MTMR7: variants seen among roughly 807,000 people sequenced by gnomAD.
MTMR7 encodes the protein phosphatidylinositol-3-phosphate phosphatase MTMR7.
A neutral mutation model predicts 81.2 loss-of-function variants in MTMR7; 76 were observed. That is an observed-to-expected ratio of 0.94 (90% CI 0.78 to 1.13). The LOEUF (loss-of-function observed/expected upper bound fraction) is 1.13. Ranked by LOEUF, MTMR7 falls within the 50% of genes most tolerant of loss-of-function variation. The pLI is 0.00. For synonymous variants in MTMR7, 372 were observed against 289.8 expected, an observed-to-expected ratio of 1.28 and a Z score of -2.88; for missense variants, 1,044 against 820.0, an observed-to-expected ratio of 1.27 and a Z score of -3.34.
chr8:17,383,416 C>T (rs1166586682), intron 1 of MTMR7, among the ~76,000 whole-genome samples: 1 of 152,214 alleles, frequency 6.6e-6, no homozygotes, highest in Admixed American at 6.5e-5. Context: ...CCACATGCTA[C>T]TTCTAACCTT....
chr8:17,360,552 A>G (rs1820028552), intron 4 of MTMR7, among the ~76,000 whole-genome samples: 1 of 151,712 alleles, frequency 6.6e-6, no homozygotes, highest in Non-Finnish European at 1.5e-5. Flanking sequence ...TTTTAAAATT[A>G]TAGTGAAACC....
chr8:17,344,078 G>T (rs969550534), intron 5 of MTMR7, among the ~76,000 whole-genome samples: 3 of 151,992 alleles, frequency 2.0e-5, no homozygotes, highest in African/African-American at 7.3e-5. Context: ...TAAGAACTTT[G>T]CATATTTTTA....
At chr8:17,352,695 G>C (rs1303681176) in intron 4 of MTMR7, among the ~76,000 whole-genome samples, 1 of 152,144 alleles carries the variant, frequency 6.6e-6, no homozygotes, top group Non-Finnish European at 1.5e-5. Flanking sequence ...TTAGTAAATT[G>C]CGTATCTTAG....
intron 4 of MTMR7, among the ~76,000 whole-genome samples, chr8:17,357,008 A>C (rs1176784693): frequency 6.6e-6 from 1 of 152,226 alleles, no homozygotes; most frequent in East Asian, 1.9e-4. Context: ...ATATACTACA[A>C]GACATATACA....
At chr8:17,312,765 G>A (rs993096178) in intron 8 of MTMR7, among the ~76,000 whole-genome samples, 8 of 152,114 alleles carry the variant, frequency 5.3e-5, no homozygotes, top group African/African-American at 1.7e-4. Context: ...CATCAGGGAA[G>A]ATATGGTTCT....
At chr8:17,361,739 GA>G (rs1820067262) in intron 3 of MTMR7, among the ~76,000 whole-genome samples, 2 of 151,560 alleles carry the variant, frequency 1.3e-5, no homozygotes, top group South Asian at 4.2e-4. Flanking sequence ...GGTTAAAAAA[GA>G]AAAAAATAAT....
chr8:17,312,205 A>G (rs1474421713), intron 8 of MTMR7, among the ~76,000 whole-genome samples: 1 of 152,236 alleles, frequency 6.6e-6, no homozygotes, highest in Non-Finnish European at 1.5e-5. Context: ...GGCAGTTAAC[A>G]TACGCTGGGA....
intron 1 of MTMR7, among the ~76,000 whole-genome samples, chr8:17,393,637 A>C (rs1821165996): frequency 6.6e-6 from 1 of 152,148 alleles, no homozygotes; most frequent in Admixed American, 6.5e-5. Context: ...TTGTAAGTGG[A>C]AGCTGAACGA....
rs756796900 is a variant in MTMR7 at position 17,302,246 on chromosome 8, C to G, written c.1528G>C (p.Gly510Arg). The G allele has an allele frequency of 3.7e-6, 6 of 1,614,054 alleles. No homozygotes were observed. The highest frequency in any genetic ancestry group is 1.7e-5 in the Admixed American group (1 of 60,006). The change falls in exon 13 of 14, where the codon GGG becomes CGG. Residue 510 changes from glycine to arginine, a missense_variant. Transcript: ENST00000180173. ...WSGMYNRFEK[G>R]MQPRQSVTDY... The stretch of plus-strand genomic sequence containing the variant: ...GTAACTGACTGTCGGGGCTGCATCC[C>G]CTTTTCAAAGCGGTTATACATTCCA...
rs1015446401 is a variant in MTMR7, at chr8:17,338,870, T to C, written c.732+2493A>G. 13 of 152,146 alleles carry C rather than the reference T, an allele frequency of 8.5e-5. No homozygotes were observed. In the East Asian group the frequency reaches 2.3e-3, roughly 27 times the overall value. The allele number at this position is 152,146 out of a possible 1,614,324, so 9.4% of individuals were successfully genotyped here. On this transcript the variant is annotated intron_variant, in intron 6 of 13. Coordinates refer to ENST00000180173, the MANE Select transcript of MTMR7 (RefSeq NM_004686.5). The stretch of plus-strand genomic sequence containing the variant: ...CGGTTTCATCACTGATCTCCAGGAC[T>C]GATTCGCTCATCTGGCATCCGTGAG...
At chr8:17,361,386 C>A in intron 3 of MTMR7, 112 bp from the exon 4 acceptor site, 1 of 1,095,086 alleles carries the variant, frequency 9.1e-7, no homozygotes, top group East Asian at 2.4e-5. Flanking sequence ...TCCCAACCCC[C>A]ACCCCCAGCA....
At position 17,397,055 on chromosome 8, in the gene MTMR7, G is replaced by T. The variant is rs574471232; in HGVS notation, c.24+16214C>A. 4.5e-4 allele frequency among the ~76,000 whole-genome samples: 69 copies of T among 152,104 alleles called. 1 individual carries two copies. The Middle Eastern group carries it at 0.014, about 30-fold the overall frequency. ...CTGCTGACAAAAGAGCTCGGGCCCT[G>T]AATAATGAGCAGTGATACCCAGGTA... On this transcript the variant is annotated intron_variant, in intron 1 of 13. Transcript: ENST00000180173.
chr8:17,304,604 T>C lies in MTMR7; in HGVS notation c.1353-85A>G, dbSNP rs147346193. 2.0e-3 allele frequency: 2,864 copies of C among 1,419,812 alleles called. 13 individuals carry two copies. Among genetic ancestry groups the C allele is most frequent in the Non-Finnish European group, 2.0e-3 (2,041 of 1,029,668 alleles). 88.0% of individuals were successfully genotyped at this position (1,419,812 alleles called of 1,614,324 possible). A position where few individuals can be genotyped will look rare whatever the true frequency, so the allele number is the denominator to read the frequency against. ...TGTTATATTAATGCTGGAAAGGAACTAATAATTGTTACCTGAAAACCACGT... is the reference window on the plus strand; with the variant it reads ...TGTTATATTAATGCTGGAAAGGAACCAATAATTGTTACCTGAAAACCACGT... On this transcript the variant is annotated intron_variant, in intron 11 of 13. Coordinates refer to ENST00000180173, the MANE Select transcript of MTMR7 (RefSeq NM_004686.5).
At chr8:17,400,171 C>T (rs1182463376) in intron 1 of MTMR7, among the ~76,000 whole-genome samples, 1 of 152,012 alleles carries the variant, frequency 6.6e-6, no homozygotes, top group East Asian at 1.9e-4. Flanking sequence ...ATAACAAGAG[C>T]AATACAACAA....
At chr8:17,361,084 T>C (rs1189151358) in intron 4 of MTMR7, 33 bp downstream of exon 4, 13 of 1,611,752 alleles carry the variant, frequency 8.1e-6, no homozygotes, top group South Asian at 1.1e-5. Context: ...CCTAATTTCA[T>C]GCGGCTTCAG....
chr8:17,406,877 T>C (rs1821599244), intron 1 of MTMR7, among the ~76,000 whole-genome samples: 2 of 152,148 alleles, frequency 1.3e-5, no homozygotes, highest in Admixed American at 1.3e-4. Flanking sequence ...CCACATATTG[T>C]ATGATTAAAT....
chr8:17,332,098 G>A (rs897734331), intron 6 of MTMR7, among the ~76,000 whole-genome samples: 2 of 152,168 alleles, frequency 1.3e-5, no homozygotes, highest in Non-Finnish European at 2.9e-5. Flanking sequence ...AAACATTCTT[G>A]CTATTTTATT....
intron 1 of MTMR7, among the ~76,000 whole-genome samples, chr8:17,384,002 TA>T (rs1222293826): frequency 2.0e-5 from 3 of 152,244 alleles, no homozygotes; most frequent in African/African-American, 7.2e-5. Context: ...TAATGGTTGC[TA>T]AAAAAAGATG....
In MTMR7 at chr8:17,313,321, T is replaced by C; in HGVS notation, c.946A>G (p.Ile316Val). Residue 316 changes from isoleucine to valine, a missense_variant, in exon 8 of 14, where the codon ATA becomes GTA. Coordinates refer to ENST00000180173, the MANE Select transcript of MTMR7 (RefSeq NM_004686.5). ...GCAATGAAGATTCCTGCATCCATTA[T>C]GGCTTTAATGTGCCTTAACCAGCCA... ...NSGWLRHIKA[I>V]MDAGIFIAKA... 1 of 1,613,366 alleles carries C rather than the reference T, an allele frequency of 6.2e-7. No individual in the cohort carries two copies. The highest frequency in any genetic ancestry group is 1.1e-5 in the South Asian group (1 of 90,972).
Sources: gnomAD v4.1 joint callset for allele counts (sites outside exome capture counted in the v4.1 genomes callset) on GRCh38, gnomAD v4.1.1 for gene constraint, MANE v1.5 for transcripts, NCBI Gene and HGNC (gene_info 2026-07-23, HGNC 2026-07-21) for gene names.